The following GPC5 variants were observed in gnomAD, a reference collection of about 807,000 sequenced individuals.
GPC5 encodes the protein glypican-5.
GPC5 carries 47 observed loss-of-function variants against 53.9 expected under a neutral mutation model. The observed-to-expected ratio is 0.87, with a 90% CI of 0.69 to 1.11. GPC5 has a LOEUF of 1.11. GPC5 is among the 50% of genes most tolerant of loss of function. The pLI, the probability that GPC5 is intolerant of heterozygous loss-of-function variation, is 0.00. For synonymous variants in GPC5, 286 were observed against 263.3 expected, an observed-to-expected ratio of 1.09 and a Z score of -0.84; for missense variants, 748 against 713.1, an observed-to-expected ratio of 1.05 and a Z score of -0.56.
chr13:91,981,446 C>T (rs983691437), intron 6 of GPC5, among the ~76,000 whole-genome samples: 2 of 152,132 alleles, frequency 1.3e-5, no homozygotes, highest in Non-Finnish European at 2.9e-5. Flanking sequence ...CCCGCCACTA[C>T]GCCCGGCTAA....
chr13:92,213,082 C>T (rs2042386504), intron 7 of GPC5, among the ~76,000 whole-genome samples: 1 of 152,206 alleles, frequency 6.6e-6, no homozygotes. Flanking sequence ...TCCTCTGCAA[C>T]AGCCCAGAAG....
At chr13:92,158,687 C>A (rs551311095) in intron 7 of GPC5, among the ~76,000 whole-genome samples, 10 of 147,652 alleles carry the variant, frequency 6.8e-5, no homozygotes, top group Non-Finnish European at 1.3e-4. Context: ...TCCTCAACAT[C>A]TCTTGCCCAA....
intron 5 of GPC5, among the ~76,000 whole-genome samples, chr13:91,841,280 T>A (rs926138889): frequency 2.0e-5 from 3 of 151,122 alleles, no homozygotes; most frequent in Non-Finnish European, 4.4e-5. Flanking sequence ...ATTCAATGAA[T>A]CATGTCATAA....
At position 92,507,955 on chromosome 13, in the gene GPC5, T is replaced by A. The variant is rs560489347; in HGVS notation, c.1562-358327T>A. On this transcript the variant is annotated intron_variant, in intron 7 of 7. Coordinates refer to ENST00000377067, the MANE Select transcript of GPC5 (RefSeq NM_004466.6). ...CTTACAAATTTTTATTTAATTAATT[T>A]AATTAATTAATTTAGTTTTTTGTTG... 1.1e-4 allele frequency among the ~76,000 whole-genome samples: 16 copies of A among 152,286 alleles called. No individual in the cohort carries two copies. In the East Asian group the frequency reaches 2.9e-3, roughly 28 times the overall value.
At chr13:91,880,083 T>C (rs998478571) in intron 5 of GPC5, among the ~76,000 whole-genome samples, 2 of 152,142 alleles carry the variant, frequency 1.3e-5, no homozygotes, top group African/African-American at 4.8e-5. Flanking sequence ...AACAAATACT[T>C]ACTAAAAACA....
chr13:91,570,055 A>C (rs1161071409), intron 2 of GPC5, among the ~76,000 whole-genome samples: 1 of 152,226 alleles, frequency 6.6e-6, no homozygotes, highest in Non-Finnish European at 1.5e-5. Flanking sequence ...TTCGGAAAAA[A>C]TGATTAAACA....
chr13:91,959,078 ACACACACACACACAC>A (rs2040101986), intron 6 of GPC5, among the ~76,000 whole-genome samples: 1 of 151,090 alleles, frequency 6.6e-6, no homozygotes. Flanking sequence ...ACACACACAC[ACACACACACACACAC>A]ACACACACAT....
At chr13:91,414,650 A>T (rs1878050433) in intron 1 of GPC5, among the ~76,000 whole-genome samples, 1 of 152,202 alleles carries the variant, frequency 6.6e-6, no homozygotes, top group Non-Finnish European at 1.5e-5. Context: ...GAGTGCTTAC[A>T]AATCTCTCTG....
intron 2 of GPC5, among the ~76,000 whole-genome samples, chr13:91,594,990 ATTT>A (rs2032940365): frequency 3.3e-4 from 1 of 3,012 alleles, no homozygotes; most frequent in Non-Finnish European, 1.2e-3. Flanking sequence ...ATTTACATTT[ATTT>A]ATTTATTTAT....
At chr13:92,170,342 G>T (rs910997731) in intron 7 of GPC5, among the ~76,000 whole-genome samples, 3 of 150,012 alleles carry the variant, frequency 2.0e-5, no homozygotes, top group Non-Finnish European at 4.4e-5. Context: ...ATTTTCTGAT[G>T]ATGCTAATTA....
intron 7 of GPC5, among the ~76,000 whole-genome samples, chr13:92,195,692 C>A (rs1372274533): frequency 6.6e-6 from 1 of 152,180 alleles, no homozygotes; most frequent in Non-Finnish European, 1.5e-5. Context: ...CACGAAATAT[C>A]TGGCAAGGTC....
chr13:92,799,969 C>G (rs1594515865), intron 7 of GPC5, among the ~76,000 whole-genome samples: 1 of 151,898 alleles, frequency 6.6e-6, no homozygotes, highest in South Asian at 2.1e-4. Context: ...GATATGTTAG[C>G]TAGTTCTCAC....
intron 7 of GPC5, among the ~76,000 whole-genome samples, chr13:92,436,288 G>A (rs987596612): frequency 6.1e-5 from 9 of 147,848 alleles, no homozygotes; most frequent in African/African-American, 2.4e-4. Context: ...GTATATGAAT[G>A]TATGTTTTAT....
At chr13:91,809,091 A>G (rs910247104) in intron 5 of GPC5, among the ~76,000 whole-genome samples, 6 of 152,166 alleles carry the variant, frequency 3.9e-5, no homozygotes, top group African/African-American at 7.2e-5. Flanking sequence ...GAAAAGGATT[A>G]TCATCTTTAC....
intron 7 of GPC5, among the ~76,000 whole-genome samples, chr13:92,377,708 A>G (rs1364387486): frequency 6.6e-6 from 1 of 152,190 alleles, no homozygotes; most frequent in Non-Finnish European, 1.5e-5. Flanking sequence ...TAGATTATGT[A>G]TTTGATTAAT....
chr13:91,929,472 C>A lies in GPC5; in HGVS notation c.1401+21415C>A, dbSNP rs143654656. 2.0e-5 allele frequency among the ~76,000 whole-genome samples: 3 copies of A among 152,212 alleles called. No individual in the cohort carries two copies. In the East Asian group the frequency reaches 5.8e-4, roughly 29 times the overall value. ...TGTTTTCTATTTTTGGATGAAATTG[C>A]ATAGATTACCTCCATCTTAATTTTC... is the stretch of plus-strand genomic sequence containing the variant. On this transcript the variant is annotated intron_variant, in intron 6 of 7. Transcript: ENST00000377067.
intron 2 of GPC5, among the ~76,000 whole-genome samples, chr13:91,596,827 C>A (rs2033011302): frequency 6.6e-6 from 1 of 152,086 alleles, no homozygotes. Context: ...GTTGGGTATT[C>A]TCTCTAATTC....
At chr13:91,799,653 C>G (rs1023135753) in intron 5 of GPC5, among the ~76,000 whole-genome samples, 3 of 151,998 alleles carry the variant, frequency 2.0e-5, no homozygotes, top group Non-Finnish European at 1.5e-5. Context: ...AATTGTGATA[C>G]CTTCTATTTT....
rs150444689 is a variant in GPC5, at chr13:92,254,706, C to A, written c.1561+109717C>A. 2.1e-3 allele frequency among the ~76,000 whole-genome samples: 321 copies of A among 152,242 alleles called. 2 individuals carry two copies. Among genetic ancestry groups the A allele is most frequent in the African/African-American group, 7.5e-3 (311 of 41,558 alleles). On this transcript the variant is annotated intron_variant, in intron 7 of 7. Coordinates refer to ENST00000377067, the MANE Select transcript of GPC5 (RefSeq NM_004466.6). ...CTTACAATCATGGCAGAAGGGGAAG[C>A]AAACACATCTTCCTTCATATGGTGG...
Sources: allele counts gnomAD v4.1 joint callset (sites outside exome capture counted in the v4.1 genomes callset), GRCh38; gene constraint gnomAD v4.1.1; transcripts MANE v1.5; gene names NCBI Gene and HGNC (gene_info 2026-07-23, HGNC 2026-07-21).